Variants in CDH4 observed in about 807,000 individuals in gnomAD.
The protein encoded by CDH4 is cadherin 4.
A neutral mutation model predicts 86.0 loss-of-function variants in CDH4; 33 were observed. The observed-to-expected ratio is 0.38, with a 90% CI of 0.29 to 0.51. The LOEUF is 0.51. Among genes scored for constraint, CDH4 ranks in the 20% least tolerant of loss-of-function variants. CDH4 has a pLI of 0.86. For synonymous variants in CDH4, 555 were observed against 549.4 expected, an observed-to-expected ratio of 1.01 and a Z score of -0.14; for missense variants, 1,114 against 1,307.4, an observed-to-expected ratio of 0.85 and a Z score of 2.28.
chr20:61,721,480 C>A (rs1413780467), intron 2 of CDH4, among the ~76,000 whole-genome samples: 7 of 152,188 alleles, frequency 4.6e-5, no homozygotes, highest in Non-Finnish European at 1.0e-4. Flanking sequence ...GGTTCATTGA[C>A]CTTTCTGCAA....
chr20:61,683,112 A>G (rs1239863118), intron 2 of CDH4, among the ~76,000 whole-genome samples: 2 of 152,136 alleles, frequency 1.3e-5, no homozygotes, highest in Non-Finnish European at 2.9e-5. Flanking sequence ...TATGGCTTTG[A>G]TTCAACATTT....
At chr20:61,656,026 C>T (rs184228165) in intron 2 of CDH4, among the ~76,000 whole-genome samples, 3,399 of 152,276 alleles carry the variant, frequency 0.022, 71 homozygotes, top group Non-Finnish European at 0.036. Flanking sequence ...CATGAAGCCA[C>T]ATCACCCTGG....
rs1219791724 is a variant in CDH4 at position 61,754,449 on chromosome 20, T to G, written c.396+10660T>G. 3.9e-5 allele frequency among the ~76,000 whole-genome samples: 6 copies of G among 152,118 alleles called. No individual in the cohort carries two copies. The highest frequency in any genetic ancestry group is 8.8e-5 in the Non-Finnish European group (6 of 68,012). ...CACGGCAGCCCCCAGGTCCCTCTGCTGCTACCCAGGCCCTTCCACTGCCCC... is the reference window on the plus strand; with the variant it reads ...CACGGCAGCCCCCAGGTCCCTCTGCGGCTACCCAGGCCCTTCCACTGCCCC... On this transcript the variant is annotated intron_variant, in intron 3 of 15. Coordinates refer to ENST00000614565, the MANE Select transcript of CDH4 (RefSeq NM_001794.5). The surrounding 1 kb of genome is among the most constrained non-coding windows in gnomAD (Gnocchi z 4.7).
chr20:61,551,113 G>A (rs2086126357), intron 2 of CDH4, among the ~76,000 whole-genome samples: 1 of 152,334 alleles, frequency 6.6e-6, no homozygotes, highest in East Asian at 1.9e-4. Context: ...GATCGATAAA[G>A]GTGTAATGAA....
chr20:61,723,155 C>A (rs2088061729), intron 2 of CDH4, among the ~76,000 whole-genome samples: 1 of 152,182 alleles, frequency 6.6e-6, no homozygotes, highest in Non-Finnish European at 1.5e-5. Flanking sequence ...GATCAGAGTC[C>A]TTGTTTTTCC....
chr20:61,736,188 G>A (rs963958926), intron 2 of CDH4, among the ~76,000 whole-genome samples: 5 of 152,148 alleles, frequency 3.3e-5, no homozygotes, highest in East Asian at 3.9e-4. Context: ...CTCGCTGGCC[G>A]AGGGTCTTCC....
intron 2 of CDH4, among the ~76,000 whole-genome samples, chr20:61,702,196 T>C (rs1328335709): frequency 6.6e-6 from 1 of 152,152 alleles, no homozygotes; most frequent in East Asian, 1.9e-4. Context: ...TGCCACTTTC[T>C]CCATAAAGCC....
intron 2 of CDH4, among the ~76,000 whole-genome samples, chr20:61,315,595 G>C (rs1416125919): frequency 2.0e-5 from 3 of 152,220 alleles, no homozygotes; most frequent in African/African-American, 7.2e-5. Context: ...GAGAAACGAG[G>C]AGTGTGCTGG....
chr20:61,256,910 C>T (rs1196153217), intron 2 of CDH4, among the ~76,000 whole-genome samples: 2 of 152,138 alleles, frequency 1.3e-5, no homozygotes, highest in Non-Finnish European at 2.9e-5. Flanking sequence ...TTATATCTTA[C>T]AAATAATTTT....
At chr20:61,687,338 C>T (rs1436075809) in intron 2 of CDH4, among the ~76,000 whole-genome samples, 1 of 152,158 alleles carries the variant, frequency 6.6e-6, no homozygotes, top group African/African-American at 2.4e-5. Flanking sequence ...TACACAACCT[C>T]GTCTCCCTTG....
At chr20:61,409,002 G>A (rs371179080) in intron 2 of CDH4, among the ~76,000 whole-genome samples, 32 of 152,316 alleles carry the variant, frequency 2.1e-4, no homozygotes, top group East Asian at 1.9e-3. Context: ...TTAAGGTTCC[G>A]GAAACTGTGC....
In CDH4 at chr20:61,902,923, G is replaced by A. The variant is rs2054742991; in HGVS notation, c.1189-7499G>A. 6.6e-6 allele frequency among the ~76,000 whole-genome samples: 1 copy of A among 151,394 alleles called. No individual in the cohort carries two copies. Among genetic ancestry groups the A allele is most frequent in the East Asian group, 1.9e-4 (1 of 5,152 alleles). On this transcript the variant is annotated intron_variant, in intron 8 of 15. Coordinates refer to ENST00000614565, the MANE Select transcript of CDH4 (RefSeq NM_001794.5). This position sits in a 1 kb window ranked among gnomAD's most constrained non-coding sequence, Gnocchi z 4.6. ...AGCTCCAGCTACATGGGAGGCCGAG[G>A]CAGGAGGATCACTTGAGCCCAGGAG...
chr20:61,282,817 G>C (rs1382811752), intron 2 of CDH4, among the ~76,000 whole-genome samples: 1 of 152,254 alleles, frequency 6.6e-6, no homozygotes, highest in Non-Finnish European at 1.5e-5. Context: ...CATGGCTGTG[G>C]TGTGCACGTG....
chr20:61,915,781 A>C (rs922098435), intron 9 of CDH4, among the ~76,000 whole-genome samples: 7 of 152,192 alleles, frequency 4.6e-5, no homozygotes, highest in Non-Finnish European at 7.3e-5. Flanking sequence ...AGAAGCGTGG[A>C]GGAGACGGGA....
intron 2 of CDH4, among the ~76,000 whole-genome samples, chr20:61,742,834 G>A (rs920802412): frequency 2.6e-5 from 4 of 152,156 alleles, no homozygotes; most frequent in African/African-American, 9.7e-5. Flanking sequence ...GTGCCTACTG[G>A]TTAATGTTTT....
chr20:61,384,184 A>G (rs2084938544), intron 2 of CDH4, among the ~76,000 whole-genome samples: 1 of 152,082 alleles, frequency 6.6e-6, no homozygotes, highest in Non-Finnish European at 1.5e-5. Flanking sequence ...TCAAATGTTA[A>G]TCTCCTTTGG....
At chr20:61,368,120 C>T (rs576943400) in intron 2 of CDH4, among the ~76,000 whole-genome samples, 5 of 152,284 alleles carry the variant, frequency 3.3e-5, no homozygotes, top group East Asian at 1.9e-4. Flanking sequence ...CCGCCCGCCT[C>T]GGCCTCCCAA....
intron 4 of CDH4, among the ~76,000 whole-genome samples, chr20:61,827,122 G>C (rs1981362400): frequency 6.6e-6 from 1 of 152,052 alleles, no homozygotes; most frequent in Non-Finnish European, 1.5e-5. Flanking sequence ...TCTCAGAATA[G>C]ACCTCGGTGG....
Position 61,852,877 on chromosome 20 carries a change from G to A in CDH4, c.856G>A (p.Val286Met), listed in dbSNP as rs149315148. The change falls in exon 6 of 16, where the codon GTG (valine) becomes ATG (methionine). Residue 286 changes from valine to methionine, a missense_variant. Physicochemically the swap from Val to Met is conservative, Grantham distance 21. Coordinates refer to ENST00000614565, the MANE Select transcript of CDH4 (RefSeq NM_001794.5). ...CATCAACCAGGTCTACAACGGCTCCGTGGACGAGGGCTCCAAGCCAGGTGA... is the reference window on the plus strand; with the variant it reads ...CATCAACCAGGTCTACAACGGCTCCATGGACGAGGGCTCCAAGCCAGGTGA... The part of the protein sequence containing the change: ...EFINQVYNGS[V>M]DEGSKPGTYV... The A allele has an allele frequency of 3.7e-5, 60 of 1,613,750 alleles. No homozygotes were observed. The highest frequency in any genetic ancestry group is 4.3e-5 in the Non-Finnish European group (51 of 1,179,884).
Sources: gnomAD v4.1 joint callset for allele counts (sites outside exome capture counted in the v4.1 genomes callset) on GRCh38, gnomAD v4.1.1 for gene constraint, Gnocchi (gnomAD v3.1) non-coding constraint, MANE v1.5 for transcripts, NCBI Gene and HGNC (gene_info 2026-07-23, HGNC 2026-07-21) for gene names.